BAZ1A: variants seen among roughly 807,000 people sequenced by gnomAD.
BAZ1A encodes the protein bromodomain adjacent to zinc finger domain protein 1A.
A neutral mutation model predicts 185.2 loss-of-function variants in BAZ1A; 50 were observed. The observed-to-expected ratio is 0.27, with a 90% CI of 0.22 to 0.34. BAZ1A has a LOEUF of 0.34. Among genes scored for constraint, BAZ1A ranks in the 10% least tolerant of loss-of-function variants. The pLI, the probability that BAZ1A is intolerant of heterozygous loss-of-function variation, is 1.00. For synonymous variants in BAZ1A, 571 were observed against 615.6 expected (o/e 0.93, Z 1.07); for missense variants, 1,356 against 1,839.9 (o/e 0.74, Z 4.81).
At chr14:34,767,178 C>G (rs1878905547) in intron 21 of BAZ1A, among the ~76,000 whole-genome samples, 1 of 152,158 alleles carries the variant, frequency 6.6e-6, no homozygotes. Flanking sequence ...AGTATATAAA[C>G]CAGCTAGATT....
intron 4 of BAZ1A, among the ~76,000 whole-genome samples, chr14:34,815,020 C>A (rs2041985045): frequency 6.6e-6 from 1 of 152,040 alleles, no homozygotes; most frequent in South Asian, 2.1e-4. Context: ...GGTAATCCAC[C>A]CACCTTGGCC....
intron 11 of BAZ1A, among the ~76,000 whole-genome samples, chr14:34,793,333 T>C (rs1223298981): frequency 1.3e-5 from 2 of 152,224 alleles, no homozygotes; most frequent in Non-Finnish European, 2.9e-5. Context: ...CATTAGGTTT[T>C]AATCCTAATA....
chr14:34,834,252 G>A (rs767790898), intron 3 of BAZ1A, among the ~76,000 whole-genome samples: 5 of 152,188 alleles, frequency 3.3e-5, no homozygotes, highest in Admixed American at 6.6e-5. Flanking sequence ...CCTATGACAA[G>A]GTTGCTCAAG....
At chr14:34,777,061 G>A (rs1879678576) in intron 17 of BAZ1A, among the ~76,000 whole-genome samples, 1 of 152,218 alleles carries the variant, frequency 6.6e-6, no homozygotes, top group South Asian at 2.1e-4. Flanking sequence ...GAGAGTGCTA[G>A]TAGAGTATGT....
chr14:34,760,179 C>A (rs1886461314), intron 24 of BAZ1A, among the ~76,000 whole-genome samples: 1 of 152,144 alleles, frequency 6.6e-6, no homozygotes, highest in Non-Finnish European at 1.5e-5. Flanking sequence ...TAGTACCAGG[C>A]TTAGCAATTT....
chr14:34,779,084 A>C (rs974580293), intron 17 of BAZ1A, among the ~76,000 whole-genome samples: 13 of 152,100 alleles, frequency 8.5e-5, no homozygotes, highest in African/African-American at 3.1e-4. Flanking sequence ...TCCTGGGCTT[A>C]AGCAATCCAC....
At chr14:34,778,463 G>T (rs1879811174) in intron 17 of BAZ1A, among the ~76,000 whole-genome samples, 1 of 152,188 alleles carries the variant, frequency 6.6e-6, no homozygotes, top group Non-Finnish European at 1.5e-5. Flanking sequence ...GAAAGAGTTT[G>T]TGTAAGATTG....
chr14:34,754,793 AAAT>A, intron 26 of BAZ1A, 31 bp downstream of exon 26: 2 of 1,458,992 alleles, frequency 1.4e-6, no homozygotes, highest in South Asian at 2.5e-5. Flanking sequence ...TGCCTTAGAA[AAAT>A]AAATATCAAA....
chr14:34,843,180 A>G (rs185941029), intron 3 of BAZ1A, among the ~76,000 whole-genome samples: 23 of 152,038 alleles, frequency 1.5e-4, no homozygotes, highest in African/African-American at 5.5e-4. Context: ...TGACAAATAT[A>G]AGGAGGATCT....
At chr14:34,836,930 T>C (rs185582169) in intron 3 of BAZ1A, among the ~76,000 whole-genome samples, 89 of 152,098 alleles carry the variant, frequency 5.9e-4, no homozygotes, top group Non-Finnish European at 1.1e-3. Flanking sequence ...GAATGTTTCC[T>C]TTTAAAAAAA....
intron 16 of BAZ1A, among the ~76,000 whole-genome samples, chr14:34,781,233 T>C (rs1880014816): frequency 1.3e-5 from 2 of 151,134 alleles, no homozygotes; most frequent in Admixed American, 6.6e-5. Flanking sequence ...GTGAAATCCA[T>C]AGTGTTACTT....
rs2043002694 is a variant in BAZ1A at position 34,874,225 on chromosome 14, G to A, written c.113+267C>T. 1.1e-5 allele frequency: 4 copies of A among 355,720 alleles called. No individual in the cohort carries two copies. Among genetic ancestry groups the A allele is most frequent in the Non-Finnish European group, 2.1e-5 (4 of 194,130 alleles). The allele number at this position is 355,720 out of a possible 1,614,324, so 22.0% of individuals were successfully genotyped here. ...CCAAGAGGGCGGGAGGGCGACAGCAGCGGCTAGGAGCGGTCCCCGAGGCCG... is the reference window on the plus strand; with the variant it reads ...CCAAGAGGGCGGGAGGGCGACAGCAACGGCTAGGAGCGGTCCCCGAGGCCG... On this transcript the variant is annotated intron_variant, in intron 2 of 26. Transcript: ENST00000360310. This position sits in a 1 kb window ranked among gnomAD's most constrained non-coding sequence, Gnocchi z 4.7.
chr14:34,848,378 G>C (rs533304263), intron 3 of BAZ1A, among the ~76,000 whole-genome samples: 34 of 152,212 alleles, frequency 2.2e-4, no homozygotes, highest in South Asian at 8.3e-4. Flanking sequence ...GGCCAAGGCA[G>C]GAGGACCACC....
At chr14:34,811,422 T>G (rs148530348) in intron 4 of BAZ1A, among the ~76,000 whole-genome samples, 1 of 152,314 alleles carries the variant, frequency 6.6e-6, no homozygotes, top group East Asian at 1.9e-4. Context: ...ATTACAGGCA[T>G]GAGACACTGT....
At chr14:34,866,212 G>A (rs551679062) in intron 2 of BAZ1A, among the ~76,000 whole-genome samples, 131 of 151,966 alleles carry the variant, frequency 8.6e-4, no homozygotes, top group African/African-American at 3.0e-3. Flanking sequence ...GTTCAGGCAC[G>A]GTGGCTCACA....
chr14:34,850,215 A>C (rs930865236), intron 3 of BAZ1A, among the ~76,000 whole-genome samples: 1 of 152,110 alleles, frequency 6.6e-6, no homozygotes, highest in East Asian at 1.9e-4. Flanking sequence ...CCATCTCCAC[A>C]AAAGATACAA....
intron 3 of BAZ1A, among the ~76,000 whole-genome samples, chr14:34,853,758 G>C (rs1318540354): frequency 1.3e-5 from 2 of 152,218 alleles, no homozygotes; most frequent in African/African-American, 4.8e-5. Context: ...CTGCACTCCA[G>C]CCAGGGCGAC....
At chr14:34,759,186 T>TTTTTTTTTTTG (rs1246392842) in intron 24 of BAZ1A, among the ~76,000 whole-genome samples, 6 of 135,418 alleles carry the variant, frequency 4.4e-5, no homozygotes, top group Admixed American at 1.5e-4. Context: ...TTTTTTTTTT[T>TTTTTTTTTTTG]TTTTTTTTTT....
chr14:34,824,822 T>C (rs2042142428), intron 4 of BAZ1A, among the ~76,000 whole-genome samples: 1 of 152,162 alleles, frequency 6.6e-6, no homozygotes, highest in African/African-American at 2.4e-5. Context: ...TACTGTTCAC[T>C]AAAAATAGGA....
Sources: gnomAD v4.1 joint callset for allele counts (sites outside exome capture counted in the v4.1 genomes callset) on GRCh38, gnomAD v4.1.1 for gene constraint, Gnocchi (gnomAD v3.1) non-coding constraint, MANE v1.5 for transcripts, NCBI Gene and HGNC (gene_info 2026-07-23, HGNC 2026-07-21) for gene names.